GABRR2: variants seen among roughly 807,000 people sequenced by gnomAD.
The protein encoded by GABRR2 is gamma-aminobutyric acid receptor subunit rho-2.
In GABRR2, 36 loss-of-function variants were observed where a neutral mutation model predicts 47.0. The observed-to-expected ratio is 0.77, with a 90% CI of 0.59 to 1.01. The LOEUF (loss-of-function observed/expected upper bound fraction) is 1.01, where lower values mean the gene tolerates loss of function less well. Ranked by LOEUF, GABRR2 falls within the 50% of genes least tolerant of loss-of-function variation. The pLI is 0.00. For synonymous variants in GABRR2, 204 were observed against 227.5 expected, an observed-to-expected ratio of 0.90 and a Z score of 0.93; for missense variants, 587 against 594.6, an observed-to-expected ratio of 0.99 and a Z score of 0.13.
At chr6:89,299,633 C>T in intron 2 of GABRR2, 126 bp downstream of exon 2, 2 of 643,384 alleles carry the variant, frequency 3.1e-6, no homozygotes, top group East Asian at 5.5e-5. Flanking sequence ...GAAATGGAGT[C>T]AGATTTATGT....
intron 2 of GABRR2, among the ~76,000 whole-genome samples, chr6:89,281,758 G>T (rs1774257383): frequency 6.6e-6 from 1 of 152,098 alleles, no homozygotes; most frequent in Non-Finnish European, 1.5e-5. Context: ...CTTGCTGGCT[G>T]GTCTCTGCCA....
At chr6:89,276,779 T>G (rs12189840) in intron 2 of GABRR2, among the ~76,000 whole-genome samples, 90,003 of 151,978 alleles carry the variant, frequency 0.59, 26,687 homozygotes, top group East Asian at 0.7. Context: ...AGTTTAACAA[T>G]ATTGTTAAAT....
intron 1 of GABRR2, among the ~76,000 whole-genome samples, chr6:89,313,633 T>G: frequency 6.6e-6 from 1 of 152,118 alleles, no homozygotes; most frequent in East Asian, 1.9e-4. Context: ...AGAGTAATTA[T>G]AGGCTGGGTG....
intron 8 of GABRR2, among the ~76,000 whole-genome samples, chr6:89,259,994 A>C (rs970204582): frequency 4.2e-5 from 6 of 144,516 alleles, no homozygotes; most frequent in African/African-American, 1.6e-4. Context: ...TGCAGCCTCC[A>C]CCTCCTGGGC....
chr6:89,308,013 C>G (rs563276384), intron 1 of GABRR2, among the ~76,000 whole-genome samples: 1 of 152,174 alleles, frequency 6.6e-6, no homozygotes, highest in African/African-American at 2.4e-5. Context: ...GACGGGACCA[C>G]CATGTTGGTC....
intron 1 of GABRR2, among the ~76,000 whole-genome samples, chr6:89,309,690 G>A (rs1205362587): frequency 6.6e-6 from 1 of 152,108 alleles, no homozygotes; most frequent in East Asian, 1.9e-4. Flanking sequence ...CCCACTATCA[G>A]CATCCCCCCT....
chr6:89,268,724 T>G (rs1773972812), intron 4 of GABRR2, among the ~76,000 whole-genome samples: 2 of 151,490 alleles, frequency 1.3e-5, no homozygotes, highest in Non-Finnish European at 2.9e-5. Context: ...ATCAATCAAC[T>G]AGAATCACAT....
chr6:89,258,734 AAAAAG>A lies in GABRR2; in HGVS notation c.1087-758_1087-754del, dbSNP rs1562343212. On this transcript the variant is annotated intron_variant, in intron 8 of 8. Coordinates refer to ENST00000402938, the MANE Select transcript of GABRR2 (RefSeq NM_002043.5). ...AAACCCTGTCTCTTTTTTTTAAAAA[AAAAAG>A]AAAGAAAGAAAAAGATGATGAGGTA... Among the ~76,000 whole-genome samples, 5 of 150,608 alleles carry A rather than the reference AAAAAG, an allele frequency of 3.3e-5. No individual in the cohort carries two copies. In the East Asian group the frequency reaches 9.9e-4, roughly 30 times the overall value.
rs141191446 is a variant in GABRR2 at position 89,308,487 on chromosome 6, TTAAA to T, written c.113+6562_113+6565del. ...AGTGGAGTGTGATAATAAAAAAAAA[TTAAA>T]TAAATAAATAACATTTCCATAATCA... On this transcript the variant is annotated intron_variant, in intron 1 of 8. Coordinates refer to ENST00000402938, the MANE Select transcript of GABRR2 (RefSeq NM_002043.5). 3.5e-3 allele frequency among the ~76,000 whole-genome samples: 538 copies of T among 152,222 alleles called. 2 individuals are homozygous for T. The highest frequency in any genetic ancestry group is 0.011 in the African/African-American group (469 of 41,510).
At chr6:89,286,207 A>C (rs1474701981) in intron 2 of GABRR2, among the ~76,000 whole-genome samples, 1 of 152,216 alleles carries the variant, frequency 6.6e-6, no homozygotes, top group Non-Finnish European at 1.5e-5. Context: ...TGGAATCTAA[A>C]ATAGTCAAAT....
intron 1 of GABRR2, chr6:89,302,028 AT>A: frequency 6.0e-6 from 4 of 671,094 alleles, no homozygotes; most frequent in Middle Eastern, 2.6e-4. Context: ...CCTTTTGGAC[AT>A]TTTTTCAGGC....
At position 89,258,799 on chromosome 6, in the gene GABRR2, G is replaced by A. The variant is rs545421883; in HGVS notation, c.1087-818C>T. On this transcript the variant is annotated intron_variant, in intron 8 of 8. Transcript: ENST00000402938. ...CTTATCTTAAAAATTACATTTGAGA[G>A]TCAAGGGTCATGGTATCTGCAATGT... 4.7e-5 allele frequency among the ~76,000 whole-genome samples: 7 copies of A among 149,870 alleles called. No individual in the cohort carries two copies. In the South Asian group the frequency reaches 1.5e-3, roughly 32 times the overall value.
At chr6:89,304,689 A>C (rs1352447649) in intron 1 of GABRR2, among the ~76,000 whole-genome samples, 1 of 152,170 alleles carries the variant, frequency 6.6e-6, no homozygotes, top group African/African-American at 2.4e-5. Flanking sequence ...TATGAAAAAC[A>C]GTTCAATAAC....
In GABRR2 at chr6:89,267,690, TAGA is replaced by T. The variant is rs1773933381; in HGVS notation, c.722_724del (p.Phe241del). ...CAAAAGATAGCTACCAGTGCTGCTG[TAGA>T]AGGCCAGCCTGGAAGTTGTGTGAAA... On this transcript the variant is annotated inframe_deletion, in exon 6 of 9. Transcript: ENST00000402938. 1 of 1,613,170 alleles carries T rather than the reference TAGA, an allele frequency of 6.2e-7. No homozygotes were observed. Among genetic ancestry groups the T allele is most frequent in the South Asian group, 1.1e-5 (1 of 90,874 alleles).
chr6:89,273,787 G>T (rs893188268), intron 2 of GABRR2, among the ~76,000 whole-genome samples: 1 of 152,200 alleles, frequency 6.6e-6, no homozygotes, highest in Non-Finnish European at 1.5e-5. Flanking sequence ...AGTCTGAGGT[G>T]TTAAAATGGC....
intron 2 of GABRR2, among the ~76,000 whole-genome samples, chr6:89,293,685 G>C (rs1467658891): frequency 6.6e-6 from 1 of 152,212 alleles, no homozygotes; most frequent in Non-Finnish European, 1.5e-5. Flanking sequence ...TACTCAGGAG[G>C]CTGAAGTGGA....
chr6:89,298,239 G>A (rs1228173210), intron 2 of GABRR2, among the ~76,000 whole-genome samples: 1 of 152,182 alleles, frequency 6.6e-6, no homozygotes, highest in Non-Finnish European at 1.5e-5. Flanking sequence ...AGGGAATTTA[G>A]TGGGAGGCTT....
chr6:89,309,540 T>C (rs528517487), intron 1 of GABRR2, among the ~76,000 whole-genome samples: 3 of 152,274 alleles, frequency 2.0e-5, no homozygotes, highest in East Asian at 3.9e-4. Context: ...AATATAGGTG[T>C]GTTGGTTATA....
intron 1 of GABRR2, chr6:89,302,827 A>T: frequency 7.1e-7 from 1 of 1,401,296 alleles, no homozygotes; most frequent in Admixed American, 1.8e-5. Context: ...GACGTGTGTG[A>T]CATCCCACCC....
Sources: gnomAD v4.1 joint callset for allele counts (sites outside exome capture counted in the v4.1 genomes callset) on GRCh38, gnomAD v4.1.1 for gene constraint, MANE v1.5 for transcripts, NCBI Gene and HGNC (gene_info 2026-07-23, HGNC 2026-07-21) for gene names.